Variants in TMEM132C observed in about 807,000 individuals in gnomAD.
TMEM132C encodes transmembrane protein 132C.
TMEM132C carries 29 observed loss-of-function variants against 61.4 expected under a neutral mutation model. That is an observed-to-expected ratio of 0.47 (90% CI 0.35 to 0.64). The LOEUF is 0.64. TMEM132C is among the 30% of genes least tolerant of loss of function. TMEM132C has a pLI of 0.00. For synonymous variants in TMEM132C, 656 were observed against 633.1 expected, an observed-to-expected ratio of 1.04 and a Z score of -0.54; for missense variants, 1,408 against 1,476.9, an observed-to-expected ratio of 0.95 and a Z score of 0.76.
chr12:128,582,303 T>G (rs1875367144), intron 3 of TMEM132C, among the ~76,000 whole-genome samples: 1 of 152,198 alleles, frequency 6.6e-6, no homozygotes. Flanking sequence ...TAAGATTTCA[T>G]TTCAGGTCAG....
intron 1 of TMEM132C, among the ~76,000 whole-genome samples, chr12:128,360,949 C>T (rs1401412792): frequency 6.6e-6 from 1 of 152,156 alleles, no homozygotes; most frequent in African/African-American, 2.4e-5. Context: ...CCATGCTGAC[C>T]ATATTTCTCA....
At chr12:128,594,753 C>A (rs943395145) in intron 3 of TMEM132C, among the ~76,000 whole-genome samples, 1 of 152,218 alleles carries the variant, frequency 6.6e-6, no homozygotes, top group Non-Finnish European at 1.5e-5. Context: ...GGGATCCCAC[C>A]TAAACAGTTT....
At chr12:128,631,939 T>G (rs1416247271) in intron 4 of TMEM132C, among the ~76,000 whole-genome samples, 1 of 152,154 alleles carries the variant, frequency 6.6e-6, no homozygotes, top group East Asian at 1.9e-4. Flanking sequence ...GAATGGTGTG[T>G]GCCTGCCTCC....
intron 4 of TMEM132C, among the ~76,000 whole-genome samples, chr12:128,648,772 AG>A (rs1954237364): frequency 6.7e-6 from 1 of 149,700 alleles, no homozygotes; most frequent in South Asian, 2.1e-4. Flanking sequence ...GAGTGTGTTT[AG>A]CTCAGTCCAT....
chr12:128,659,247 T>G (rs957894548), intron 4 of TMEM132C, among the ~76,000 whole-genome samples: 6 of 152,176 alleles, frequency 3.9e-5, no homozygotes, highest in African/African-American at 1.4e-4. Flanking sequence ...AAACTTGCCA[T>G]GGACAGGAAT....
chr12:128,687,918 C>G (rs1954690212), intron 5 of TMEM132C, among the ~76,000 whole-genome samples: 1 of 152,166 alleles, frequency 6.6e-6, no homozygotes. Context: ...GCATGCTTTC[C>G]CGGCTCACAC....
At chr12:128,467,683 G>A (rs983146081) in intron 2 of TMEM132C, among the ~76,000 whole-genome samples, 2 of 152,168 alleles carry the variant, frequency 1.3e-5, no homozygotes, top group African/African-American at 4.8e-5. Context: ...CAAGAATGGA[G>A]CATGGGGGAG....
chr12:128,303,933 A>G (rs533503071), intron 1 of TMEM132C, among the ~76,000 whole-genome samples: 1 of 152,246 alleles, frequency 6.6e-6, no homozygotes, highest in East Asian at 1.9e-4. Flanking sequence ...ATGAGAAATT[A>G]CCAGGGAGGT....
At chr12:128,344,098 T>C (rs1873070154) in intron 1 of TMEM132C, among the ~76,000 whole-genome samples, 1 of 152,242 alleles carries the variant, frequency 6.6e-6, no homozygotes. Flanking sequence ...CGAATAATGC[T>C]GCTGTGAACA....
chr12:128,331,439 C>A (rs1329491317), intron 1 of TMEM132C, among the ~76,000 whole-genome samples: 1 of 152,144 alleles, frequency 6.6e-6, no homozygotes, highest in Admixed American at 6.5e-5. Context: ...ACTTCTGAGT[C>A]TTCCTTGTCT....
At chr12:128,281,666 A>G (rs1199260395) in intron 1 of TMEM132C, among the ~76,000 whole-genome samples, 1 of 152,202 alleles carries the variant, frequency 6.6e-6, no homozygotes, top group Non-Finnish European at 1.5e-5. Context: ...GGGGCTGACT[A>G]GTGGGGACAT....
At chr12:128,458,699 TG>T (rs1206762048) in intron 2 of TMEM132C, among the ~76,000 whole-genome samples, 1 of 152,188 alleles carries the variant, frequency 6.6e-6, no homozygotes, top group Non-Finnish European at 1.5e-5. Context: ...TGGTTGCTTT[TG>T]CCAGTTTCCA....
At chr12:128,318,042 A>G (rs1315222011) in intron 1 of TMEM132C, among the ~76,000 whole-genome samples, 1 of 152,224 alleles carries the variant, frequency 6.6e-6, no homozygotes, top group Non-Finnish European at 1.5e-5. Context: ...AGTTTAGACA[A>G]GAAGTGTTTA....
chr12:128,414,313 T>TATA (rs1469088388), intron 1 of TMEM132C, among the ~76,000 whole-genome samples: 4 of 152,232 alleles, frequency 2.6e-5, no homozygotes, highest in Non-Finnish European at 5.9e-5. Context: ...AACTTCCATA[T>TATA]GTTCTTGAGT....
chr12:128,406,359 A>G (rs1875344985), intron 1 of TMEM132C, among the ~76,000 whole-genome samples: 1 of 152,226 alleles, frequency 6.6e-6, no homozygotes, highest in African/African-American at 2.4e-5. Context: ...TTCAAGACAG[A>G]AGGGTACCCT....
At chr12:128,614,833 T>A (rs768850231) in intron 3 of TMEM132C, among the ~76,000 whole-genome samples, 40 of 152,198 alleles carry the variant, frequency 2.6e-4, no homozygotes, top group Non-Finnish European at 5.1e-4. Context: ...CTGAATTGAA[T>A]GTATTTACTA....
At chr12:128,642,534 A>G (rs1954165591) in intron 4 of TMEM132C, among the ~76,000 whole-genome samples, 1 of 152,090 alleles carries the variant, frequency 6.6e-6, no homozygotes, top group South Asian at 2.1e-4. Flanking sequence ...TTCTGGTGGT[A>G]ATGAGTTCAT....
intron 3 of TMEM132C, among the ~76,000 whole-genome samples, chr12:128,589,403 G>C (rs893739090): frequency 2.6e-5 from 4 of 151,396 alleles, no homozygotes; most frequent in Non-Finnish European, 4.4e-5. Flanking sequence ...CTCTCACCCC[G>C]CCTGCCTCCC....
intron 5 of TMEM132C, among the ~76,000 whole-genome samples, chr12:128,690,121 A>G (rs1236512480): frequency 6.6e-6 from 1 of 152,002 alleles, no homozygotes; most frequent in Admixed American, 6.6e-5. Context: ...GCCTCACGTG[A>G]CCCCACCGTC....
Sources: allele counts gnomAD v4.1 joint callset (sites outside exome capture counted in the v4.1 genomes callset), GRCh38; gene constraint gnomAD v4.1.1; transcripts MANE v1.5; gene names NCBI Gene and HGNC (gene_info 2026-07-23, HGNC 2026-07-21).